The following SPATS2L variants were observed in gnomAD, a reference collection of about 807,000 sequenced individuals.
SPATS2L encodes spermatogenesis associated serine rich 2 like, also known as SPATS2-like protein.
In SPATS2L, 30 loss-of-function variants were observed where a neutral mutation model predicts 59.6. That is an observed-to-expected ratio of 0.50 (90% CI 0.38 to 0.68). The LOEUF is 0.68. Among genes scored for constraint, SPATS2L ranks in the 30% least tolerant of loss-of-function variants. The probability of loss-of-function intolerance (pLI) is 0.00; values close to 1 mark genes in which losing one functional copy is unlikely to be tolerated. For synonymous variants in SPATS2L, 252 were observed against 263.5 expected, an observed-to-expected ratio of 0.96 and a Z score of 0.42; for missense variants, 615 against 700.0, an observed-to-expected ratio of 0.88 and a Z score of 1.37.
At chr2:200,323,164 G>T (rs2079620213) in intron 1 of SPATS2L, among the ~76,000 whole-genome samples, 1 of 152,166 alleles carries the variant, frequency 6.6e-6, no homozygotes, top group Admixed American at 6.5e-5. Flanking sequence ...TTAGCTATGG[G>T]ATCTGCAGGT....
rs2106267432 is a variant in SPATS2L at position 200,481,117 on chromosome 2, G to C, written c.*3086G>C. 6.6e-6 allele frequency: 1 copy of C among 152,218 alleles called. No individual in the cohort carries two copies. The highest frequency in any genetic ancestry group is 2.1e-4 in the South Asian group (1 of 4,826). The allele number at this position is 152,218 out of a possible 1,614,324, so 9.4% of individuals were successfully genotyped here. The stretch of plus-strand genomic sequence containing the variant: ...GCTCTGTCCTGTTGATCCTATTCTA[G>C]AAGTGCTTAATGCAGCAAGACACAG... On this transcript the variant is annotated 3_prime_UTR_variant, in exon 13 of 13. Coordinates refer to ENST00000409140, the MANE Select transcript of SPATS2L (RefSeq NM_001100423.2).
intron 9 of SPATS2L, 100 bp from the exon 10 acceptor site, chr2:200,467,190 A>G: frequency 1.2e-6 from 1 of 825,148 alleles, no homozygotes; most frequent in Non-Finnish European, 2.0e-6. Flanking sequence ...TGGTCCAACA[A>G]AGCAATCAGT....
At chr2:200,418,097 T>TG (rs745429648) in intron 5 of SPATS2L, among the ~76,000 whole-genome samples, 61 of 152,312 alleles carry the variant, frequency 4.0e-4, no homozygotes, top group South Asian at 2.5e-3. Flanking sequence ...CTTGTGATAT[T>TG]GGGGGGTCTA....
At chr2:200,453,934 C>T (rs929162690) in intron 8 of SPATS2L, among the ~76,000 whole-genome samples, 1 of 152,164 alleles carries the variant, frequency 6.6e-6, no homozygotes, top group African/African-American at 2.4e-5. Context: ...CATCCTTTCT[C>T]TCCAGCAGTT....
Position 200,445,924 on chromosome 2 carries a change from T to C in SPATS2L, c.788+5140T>C, listed in dbSNP as rs147476703. Among the ~76,000 whole-genome samples, 62 of 152,330 alleles carry C rather than the reference T, an allele frequency of 4.1e-4. No individual in the cohort carries two copies. In the East Asian group the frequency reaches 9.8e-3, roughly 24 times the overall value. ...ACATTAAAAGATGATGCCTATATAT[T>C]AATATCTACTTCTTTCCATACCAAA... is the stretch of plus-strand genomic sequence containing the variant. On this transcript the variant is annotated intron_variant, in intron 8 of 12. Coordinates refer to ENST00000409140, the MANE Select transcript of SPATS2L (RefSeq NM_001100423.2).
intron 9 of SPATS2L, among the ~76,000 whole-genome samples, chr2:200,466,287 C>T (rs1242108961): frequency 6.6e-6 from 1 of 152,058 alleles, no homozygotes; most frequent in East Asian, 1.9e-4. Flanking sequence ...TGCATGTCAT[C>T]TTAGATGAAT....
intron 2 of SPATS2L, among the ~76,000 whole-genome samples, chr2:200,342,799 A>G (rs2080377203): frequency 6.6e-6 from 1 of 152,216 alleles, no homozygotes; most frequent in Admixed American, 6.5e-5. Flanking sequence ...CTTGCCATTC[A>G]GTCTCCAAAT....
chr2:200,329,216 C>T (rs1221623112), intron 1 of SPATS2L, among the ~76,000 whole-genome samples: 1 of 152,148 alleles, frequency 6.6e-6, no homozygotes, highest in African/African-American at 2.4e-5. Context: ...GAGGAAGGTA[C>T]TGTTATTATC....
chr2:200,388,856 T>C (rs2082081063), intron 2 of SPATS2L, among the ~76,000 whole-genome samples: 1 of 152,168 alleles, frequency 6.6e-6, no homozygotes, highest in African/African-American at 2.4e-5. Context: ...GATAAAAGCT[T>C]TGAGACAGTG....
At chr2:200,351,617 T>C (rs550992161) in intron 2 of SPATS2L, among the ~76,000 whole-genome samples, 4 of 152,340 alleles carry the variant, frequency 2.6e-5, no homozygotes, top group Non-Finnish European at 2.9e-5. Flanking sequence ...ATATTCAGAA[T>C]TGATGACTGA....
chr2:200,393,289 G>A (rs1432510912), intron 3 of SPATS2L: 9 of 456,668 alleles, frequency 2.0e-5, no homozygotes, highest in Admixed American at 1.4e-4. Flanking sequence ...CAGAGCAGCC[G>A]ACATTAGAGT....
In SPATS2L at chr2:200,306,699, G is replaced by A; in HGVS notation, c.-296G>A. ...CGTGGGGCGGCCGAGCCGGAGTTGT[G>A]TCAGTGAAGGAATCCAGTCCGGGGG... On this transcript the variant is annotated 5_prime_UTR_variant, in exon 1 of 13. Transcript: ENST00000409140. 1.0e-6 allele frequency: 1 copy of A among 985,158 alleles called. No homozygotes were observed. Among genetic ancestry groups the A allele is most frequent in the Non-Finnish European group, 1.2e-6 (1 of 829,794 alleles). 61.0% of individuals were successfully genotyped at this position (985,158 alleles called of 1,614,324 possible). A position where few individuals can be genotyped will look rare whatever the true frequency, so the allele number is the denominator to read the frequency against.
chr2:200,307,805 T>TC (rs747782838), intron 1 of SPATS2L, among the ~76,000 whole-genome samples: 11 of 152,032 alleles, frequency 7.2e-5, no homozygotes, highest in Admixed American at 3.9e-4. Context: ...GAGCTTCTCA[T>TC]CCCCCCCGCA....
At chr2:200,459,921 G>T (rs1159106938) in intron 9 of SPATS2L, 94 bp downstream of exon 9, 2 of 938,598 alleles carry the variant, frequency 2.1e-6, no homozygotes, top group Non-Finnish European at 3.2e-6. Flanking sequence ...TCTGAACAGG[G>T]TCCTAAAATT....
At chr2:200,356,543 G>A (rs2080921835) in intron 2 of SPATS2L, among the ~76,000 whole-genome samples, 2 of 152,038 alleles carry the variant, frequency 1.3e-5, no homozygotes, top group South Asian at 4.1e-4. Flanking sequence ...CCAAAATATA[G>A]AAACATTTTC....
intron 1 of SPATS2L, among the ~76,000 whole-genome samples, chr2:200,314,966 T>G (rs1207233924): frequency 6.6e-6 from 1 of 152,238 alleles, no homozygotes; most frequent in African/African-American, 2.4e-5. Context: ...CTTTTTATTT[T>G]TAAAAATGTG....
intron 2 of SPATS2L, among the ~76,000 whole-genome samples, chr2:200,356,516 C>A (rs545748200): frequency 7.3e-4 from 111 of 152,284 alleles, no homozygotes; most frequent in African/African-American, 2.4e-3. Flanking sequence ...TTATCACAAA[C>A]ATTGCTTTTT....
At chr2:200,459,255 T>C (rs13382768) in intron 8 of SPATS2L, among the ~76,000 whole-genome samples, 2 of 152,118 alleles carry the variant, frequency 1.3e-5, no homozygotes, top group Non-Finnish European at 2.9e-5. Flanking sequence ...CAGAGACTTA[T>C]GTTGTTGAGC....
chr2:200,370,984 A>T (rs986466386), intron 2 of SPATS2L, among the ~76,000 whole-genome samples: 1 of 152,238 alleles, frequency 6.6e-6, no homozygotes, highest in Non-Finnish European at 1.5e-5. Flanking sequence ...CTTAAGGTTC[A>T]AAAAGAAAAA....
Sources: gnomAD v4.1 joint callset for allele counts (sites outside exome capture counted in the v4.1 genomes callset) on GRCh38, gnomAD v4.1.1 for gene constraint, MANE v1.5 for transcripts, NCBI Gene and HGNC (gene_info 2026-07-23, HGNC 2026-07-21) for gene names.